The following SULT1E1 variants were observed in gnomAD, a reference collection of about 807,000 sequenced individuals.
The protein encoded by SULT1E1 is sulfotransferase 1E1.
A neutral mutation model predicts 33.6 loss-of-function variants in SULT1E1; 36 were observed. That is an observed-to-expected ratio of 1.07 (90% CI 0.82 to 1.41). The LOEUF (loss-of-function observed/expected upper bound fraction) is 1.41. Ranked by LOEUF, SULT1E1 falls within the 40% of genes most tolerant of loss-of-function variation. The probability of loss-of-function intolerance (pLI) is 0.00; values close to 1 mark genes in which losing one functional copy is unlikely to be tolerated. For synonymous variants in SULT1E1, 121 were observed against 111.7 expected, an observed-to-expected ratio of 1.08 and a Z score of -0.53; for missense variants, 371 against 345.7, an observed-to-expected ratio of 1.07 and a Z score of -0.58.
chr4:69,849,838 T>G (rs927933615), intron 4 of SULT1E1, among the ~76,000 whole-genome samples: 5 of 151,962 alleles, frequency 3.3e-5, no homozygotes, highest in African/African-American at 1.2e-4. Flanking sequence ...GTTGTAAATT[T>G]TATCAATATA....
At chr4:69,849,936 A>G (rs1721069156) in intron 4 of SULT1E1, among the ~76,000 whole-genome samples, 1 of 152,040 alleles carries the variant, frequency 6.6e-6, no homozygotes, top group South Asian at 2.1e-4. Context: ...ATTGAGAGTA[A>G]ATCAATGAGA....
At chr4:69,837,863 C>A (rs75189170), downstream of SULT1E1, among the ~76,000 whole-genome samples, 6,680 of 152,148 alleles carry the variant, frequency 0.044, 212 homozygotes, top group East Asian at 0.082. Flanking sequence ...GTATCATTAC[C>A]ATTACTAGGT....
chr4:69,847,604 C>T (rs1356912361), intron 6 of SULT1E1, 94 bp downstream of exon 6: 3 of 759,650 alleles, frequency 3.9e-6, no homozygotes, highest in Admixed American at 2.9e-5. Context: ...TGGCTGTCAT[C>T]ATTTATTTAA....
downstream of SULT1E1, among the ~76,000 whole-genome samples, chr4:69,839,311 A>G (rs1720841811): frequency 6.6e-6 from 1 of 152,206 alleles, no homozygotes; most frequent in Admixed American, 6.5e-5. Flanking sequence ...CATAACATAA[A>G]AGGCATCATA....
the SULT1E1 span, among the ~76,000 whole-genome samples, chr4:69,828,821 T>G: frequency 6.6e-6 from 1 of 152,178 alleles, no homozygotes; most frequent in Non-Finnish European, 1.5e-5. Context: ...ACACTTTATA[T>G]CCTGCCTTCC....
downstream of SULT1E1, chr4:69,841,193 G>A (rs1720879208): frequency 6.6e-6 from 1 of 152,100 alleles, no homozygotes; most frequent in Non-Finnish European, 1.5e-5. Flanking sequence ...CCTACTAAAT[G>A]GAAAATCAAT....
the SULT1E1 span, among the ~76,000 whole-genome samples, chr4:69,834,849 G>T: frequency 0.064 from 9,659 of 151,984 alleles, 426 homozygotes; most frequent in Non-Finnish European, 0.1. Context: ...AGGGAAAATC[G>T]CTGTTTCTAT....
the SULT1E1 span, among the ~76,000 whole-genome samples, chr4:69,832,079 G>C: frequency 6.6e-6 from 1 of 152,184 alleles, no homozygotes; most frequent in African/African-American, 2.4e-5. Context: ...GTTATACCTC[G>C]GGAGGTGATC....
the SULT1E1 span, among the ~76,000 whole-genome samples, chr4:69,830,586 T>C: frequency 2.0e-3 from 309 of 152,296 alleles, 2 homozygotes; most frequent in African/African-American, 7.3e-3. Flanking sequence ...CTGCTGCAGA[T>C]GCTGCAGCTG....
the SULT1E1 span, among the ~76,000 whole-genome samples, chr4:69,828,891 A>T: frequency 6.6e-6 from 1 of 152,114 alleles, no homozygotes; most frequent in Non-Finnish European, 1.5e-5. Flanking sequence ...CTAGAAGGAG[A>T]TCATCAATGT....
the SULT1E1 span, among the ~76,000 whole-genome samples, chr4:69,833,538 T>C: frequency 6.6e-6 from 1 of 152,224 alleles, no homozygotes; most frequent in East Asian, 1.9e-4. Context: ...AGTAGTTTCT[T>C]ATGCAATTTA....
At chr4:69,856,235 G>A (rs994524719) in intron 2 of SULT1E1, among the ~76,000 whole-genome samples, 17 of 152,200 alleles carry the variant, frequency 1.1e-4, no homozygotes, top group Non-Finnish European at 2.1e-4. Context: ...TATCTGAAGA[G>A]AGGAGTTGGG....
chr4:69,839,879 T>C (rs1720849881), downstream of SULT1E1, among the ~76,000 whole-genome samples: 3 of 152,236 alleles, frequency 2.0e-5, no homozygotes, highest in Admixed American at 1.3e-4. Context: ...TGGAAAGATA[T>C]AGTTGGTCCA....
chr4:69,845,575 A>G (rs1720957587), intron 6 of SULT1E1, among the ~76,000 whole-genome samples: 1 of 151,404 alleles, frequency 6.6e-6, no homozygotes, highest in Non-Finnish European at 1.5e-5. Flanking sequence ...TTTTATATAT[A>G]CAGACATATG....
downstream of SULT1E1, among the ~76,000 whole-genome samples, chr4:69,837,841 A>G (rs1245736363): frequency 1.3e-5 from 2 of 152,174 alleles, no homozygotes; most frequent in Non-Finnish European, 2.9e-5. Flanking sequence ...AGTTTTTAAT[A>G]TTTTAAGACA....
At chr4:69,828,598 G>A in the SULT1E1 span, among the ~76,000 whole-genome samples, 14 of 152,260 alleles carry the variant, frequency 9.2e-5, no homozygotes, top group East Asian at 1.4e-3. Context: ...GCAAGCTTCC[G>A]TGGCTTCATT....
chr4:69,849,119 T>C (rs947099124), intron 5 of SULT1E1: 1 of 188,690 alleles, frequency 5.3e-6, no homozygotes, highest in African/African-American at 2.4e-5. Flanking sequence ...AACATTTGTT[T>C]CTACTAAAAA....
At chr4:69,829,003 AGTC>A in the SULT1E1 span, among the ~76,000 whole-genome samples, 2 of 152,166 alleles carry the variant, frequency 1.3e-5, no homozygotes, top group Non-Finnish European at 2.9e-5. Flanking sequence ...TCCCTGTGGG[AGTC>A]TTGTCCAAGT....
chr4:69,854,196 A>G (rs375169571), intron 4 of SULT1E1, 21 bp downstream of exon 4: 292 of 1,584,420 alleles, frequency 1.8e-4, no homozygotes, highest in Non-Finnish European at 2.4e-4. Context: ...TGAAGTTTTG[A>G]GAACACTTGA....
Sources: allele counts gnomAD v4.1 joint callset (sites outside exome capture counted in the v4.1 genomes callset), GRCh38; gene constraint gnomAD v4.1.1; transcripts MANE v1.5; gene names NCBI Gene and HGNC (gene_info 2026-07-23, HGNC 2026-07-21).